The following AFF1 variants were observed in gnomAD, a reference collection of about 807,000 sequenced individuals.
The protein encoded by AFF1 is AF4/FMR2 family member 1.
A neutral mutation model predicts 121.7 loss-of-function variants in AFF1; 48 were observed. The observed-to-expected ratio is 0.39, with a 90% confidence interval of 0.31 to 0.50. The LOEUF (loss-of-function observed/expected upper bound fraction) is 0.50. AFF1 is among the 20% of genes least tolerant of loss of function. AFF1 has a pLI of 0.76. For synonymous variants in AFF1, 613 were observed against 563.0 expected (o/e 1.09, Z -1.26); for missense variants, 1,523 against 1,511.7 (o/e 1.01, Z -0.12).
chr4:87,055,874 T>A (rs2149637774), intron 4 of AFF1, among the ~76,000 whole-genome samples: 1 of 152,228 alleles, frequency 6.6e-6, no homozygotes, highest in East Asian at 1.9e-4. Context: ...CAACAGCAAT[T>A]TGACATTATT....
chr4:87,095,211 C>T (rs924269888), intron 8 of AFF1, among the ~76,000 whole-genome samples: 14 of 152,118 alleles, frequency 9.2e-5, no homozygotes, highest in African/African-American at 2.7e-4. Context: ...CTCTGCCTCC[C>T]GGGCTCAAGC....
intron 5 of AFF1, among the ~76,000 whole-genome samples, chr4:87,085,071 T>C (rs1445074624): frequency 6.6e-6 from 1 of 152,254 alleles, no homozygotes; most frequent in East Asian, 1.9e-4. Context: ...TGCTTTTGTT[T>C]ATTGAAACTA....
chr4:87,091,016 A>G (rs1466274936), intron 6 of AFF1, among the ~76,000 whole-genome samples: 3 of 87,484 alleles, frequency 3.4e-5, no homozygotes, highest in Admixed American at 2.7e-4. Context: ...CCGTCTCTCT[A>G]CCACCAAAAA....
intron 16 of AFF1, among the ~76,000 whole-genome samples, chr4:87,128,500 C>G (rs1470696652): frequency 6.6e-6 from 1 of 152,184 alleles, no homozygotes; most frequent in Non-Finnish European, 1.5e-5. Flanking sequence ...GCAAAAACCT[C>G]CCTGGAAAGC....
chr4:87,033,304 A>G (rs1002137656), intron 2 of AFF1, among the ~76,000 whole-genome samples: 4 of 152,166 alleles, frequency 2.6e-5, no homozygotes, highest in African/African-American at 9.7e-5. Context: ...GCTGCTGGTT[A>G]GCAAGTCTAA....
intron 20 of AFF1, among the ~76,000 whole-genome samples, chr4:87,134,974 C>A (rs1341046276): frequency 6.6e-6 from 1 of 152,186 alleles, no homozygotes; most frequent in Non-Finnish European, 1.5e-5. Context: ...TTACTTCAGC[C>A]TGAGCTGAAA....
At chr4:86,967,872 T>C (rs985352145) in intron 2 of AFF1, among the ~76,000 whole-genome samples, 10 of 152,316 alleles carry the variant, frequency 6.6e-5, no homozygotes, top group Non-Finnish European at 1.0e-4. Flanking sequence ...CTAGAGTTCA[T>C]TGGGGAAGGT....
At chr4:86,998,040 G>C (rs1214725417) in intron 2 of AFF1, among the ~76,000 whole-genome samples, 1 of 142,600 alleles carries the variant, frequency 7.0e-6, no homozygotes, top group Non-Finnish European at 1.5e-5. Flanking sequence ...GGAGGTTGCA[G>C]TCAGCTGAGA....
At chr4:86,954,098 A>G (rs769806336) in intron 2 of AFF1, among the ~76,000 whole-genome samples, 2 of 151,752 alleles carry the variant, frequency 1.3e-5, no homozygotes, top group Non-Finnish European at 2.9e-5. Context: ...TTCAGCTACT[A>G]CCTCCCTTAA....
Position 87,112,853 on chromosome 4 carries a change from T to C in AFF1, c.1534-1514T>C, listed in dbSNP as rs145564738. Among the ~76,000 whole-genome samples the C allele has an allele frequency of 2.5e-3, 375 of 152,366 alleles. 2 individuals carry two copies. Among genetic ancestry groups the C allele is most frequent in the African/African-American group, 8.6e-3 (356 of 41,582 alleles). ...GGATCTTTAAATAAATTAGTATTTT[T>C]CTTAAGATAAGGACATAAGGACAGC... On this transcript the variant is annotated intron_variant, in intron 11 of 20. Coordinates refer to ENST00000395146, the MANE Select transcript of AFF1 (RefSeq NM_001166693.3).
intron 16 of AFF1, among the ~76,000 whole-genome samples, chr4:87,129,649 C>T (rs765150712): frequency 5.9e-5 from 9 of 152,076 alleles, no homozygotes; most frequent in Non-Finnish European, 1.0e-4. Context: ...ATCTGAGCCT[C>T]GGTTCTCTAG....
chr4:86,980,083 G>C (rs1560514610), intron 2 of AFF1, among the ~76,000 whole-genome samples: 1 of 152,084 alleles, frequency 6.6e-6, no homozygotes, highest in African/African-American at 2.4e-5. Flanking sequence ...GCTAATTCTT[G>C]TGTTTTTAGT....
chr4:87,126,891 C>A, intron 14 of AFF1, 135 bp from the exon 15 acceptor site: 1 of 724,950 alleles, frequency 1.4e-6, no homozygotes, highest in Non-Finnish European at 2.3e-6. Flanking sequence ...AAGTGTTTAG[C>A]CAGGGTAGAT....
chr4:86,982,876 G>A (rs374209788), intron 2 of AFF1, among the ~76,000 whole-genome samples: 2,210 of 119,342 alleles, frequency 0.019, 114 homozygotes, highest in African/African-American at 0.073. Flanking sequence ...AAAAAAAAAA[G>A]GAAGCTTGTT....
At chr4:87,037,085 G>T (rs574367356) in intron 2 of AFF1, among the ~76,000 whole-genome samples, 2 of 152,108 alleles carry the variant, frequency 1.3e-5, no homozygotes, top group East Asian at 1.9e-4. Context: ...AGTTTTCAGA[G>T]CTTCTAATGA....
chr4:86,990,805 A>T (rs934621576), intron 2 of AFF1, among the ~76,000 whole-genome samples: 1 of 152,164 alleles, frequency 6.6e-6, no homozygotes, highest in African/African-American at 2.4e-5. Flanking sequence ...ATATTTATTT[A>T]TTATTTTATT....
intron 2 of AFF1, among the ~76,000 whole-genome samples, chr4:86,991,219 C>A (rs995894024): frequency 5.3e-5 from 8 of 151,876 alleles, no homozygotes; most frequent in Admixed American, 1.3e-4. Flanking sequence ...CAGAGGCAGG[C>A]GGATCACGAG....
chr4:87,130,571 C>T (rs998439421), intron 16 of AFF1, among the ~76,000 whole-genome samples: 3 of 152,206 alleles, frequency 2.0e-5, no homozygotes, highest in African/African-American at 7.2e-5. Flanking sequence ...GTTTTGTGCA[C>T]TAAAGCAGAT....
At chr4:86,985,122 AATATAAT>A (rs948987730) in intron 2 of AFF1, among the ~76,000 whole-genome samples, 2 of 117,772 alleles carry the variant, frequency 1.7e-5, no homozygotes, top group African/African-American at 5.4e-5. Context: ...TATTAATAGT[AATATAAT>A]ATATATAATT....
Sources: gnomAD v4.1 joint callset for allele counts (sites outside exome capture counted in the v4.1 genomes callset) on GRCh38, gnomAD v4.1.1 for gene constraint, MANE v1.5 for transcripts, NCBI Gene and HGNC (gene_info 2026-07-23, HGNC 2026-07-21) for gene names.